DPP10: variants seen among roughly 807,000 people sequenced by gnomAD.
DPP10 encodes the protein inactive dipeptidyl peptidase 10.
DPP10 carries 33 observed loss-of-function variants against 120.9 expected under a neutral mutation model. The ratio of observed to expected loss-of-function variants is 0.27; its 90% confidence interval spans 0.21 to 0.37. The LOEUF is 0.37. Among genes scored for constraint, DPP10 ranks in the 10% least tolerant of loss-of-function variants. The pLI, the probability that DPP10 is intolerant of heterozygous loss-of-function variation, is 1.00. For synonymous variants in DPP10, 337 were observed against 326.1 expected (o/e 1.03, Z -0.36); for missense variants, 816 against 942.8 (o/e 0.87, Z 1.76).
chr2:115,199,234 G>T (rs1239782076), intron 1 of DPP10, among the ~76,000 whole-genome samples: 1 of 151,946 alleles, frequency 6.6e-6, no homozygotes, highest in Non-Finnish European at 1.5e-5. Flanking sequence ...TTTTGAATAT[G>T]ATAAAAAACA....
At chr2:115,442,930 A>T (rs1241702675) in intron 3 of DPP10, among the ~76,000 whole-genome samples, 2 of 152,164 alleles carry the variant, frequency 1.3e-5, no homozygotes, top group African/African-American at 4.8e-5. Flanking sequence ...TGGCTTAGAA[A>T]CCTAGGGATA....
chr2:115,801,985 T>C lies in DPP10; in HGVS notation c.1700+10629T>C, dbSNP rs1204390349. On this transcript the variant is annotated intron_variant, in intron 19 of 25. Transcript: ENST00000410059. ...GGAGGATTCCCTCTTTTTCTATTGATTGGAATAGTTTCAGAAGGAATGGTA... is the reference window on the plus strand; with the variant it reads ...GGAGGATTCCCTCTTTTTCTATTGACTGGAATAGTTTCAGAAGGAATGGTA... Among the ~76,000 whole-genome samples, 55 of 152,028 alleles carry C rather than the reference T, an allele frequency of 3.6e-4. 1 individual carries two copies. The highest frequency in any genetic ancestry group is 3.6e-3 in the Admixed American group (55 of 15,240).
Position 114,975,954 on chromosome 2 carries a change from C to A in DPP10, c.61-333285C>A, listed in dbSNP as rs143973312. On this transcript the variant is annotated intron_variant, in intron 1 of 25. Transcript: ENST00000410059. ...ATGTGAGCCACTGTACCCAGCCAAT[C>A]AATTGCTTTAAATAAGAGGACATTT... is the stretch of plus-strand genomic sequence containing the variant. Among the ~76,000 whole-genome samples the A allele has an allele frequency of 6.6e-5, 10 of 152,204 alleles. No individual in the cohort carries two copies. In the East Asian group the frequency reaches 1.9e-3, roughly 29 times the overall value.
chr2:115,764,639 T>C (rs1680505871), intron 12 of DPP10, among the ~76,000 whole-genome samples: 1 of 152,014 alleles, frequency 6.6e-6, no homozygotes, highest in South Asian at 2.1e-4. Flanking sequence ...GAGATTATGC[T>C]ATCTAATTTT....
intron 1 of DPP10, among the ~76,000 whole-genome samples, chr2:115,266,417 C>G (rs568535240): frequency 1.3e-5 from 2 of 151,442 alleles, no homozygotes; most frequent in African/African-American, 4.8e-5. Flanking sequence ...AAAATTCTAC[C>G]ATGTGTTTTC....
chr2:115,779,699 A>G (rs139181261), intron 15 of DPP10, among the ~76,000 whole-genome samples: 3 of 152,032 alleles, frequency 2.0e-5, no homozygotes, highest in Admixed American at 2.0e-4. Flanking sequence ...AATGTTGTGA[A>G]TGTAATTAAT....
intron 3 of DPP10, among the ~76,000 whole-genome samples, chr2:115,382,145 C>A (rs2106478139): frequency 6.6e-6 from 1 of 152,280 alleles, no homozygotes; most frequent in African/African-American, 2.4e-5. Flanking sequence ...TGGCGGGCGC[C>A]CCTCCCCCAG....
intron 1 of DPP10, among the ~76,000 whole-genome samples, chr2:114,656,384 G>T (rs1335114456): frequency 1.3e-5 from 2 of 152,088 alleles, no homozygotes; most frequent in African/African-American, 4.8e-5. Context: ...AGGAAAAGGA[G>T]TGATTTGCAG....
chr2:114,903,647 C>T (rs183024683), intron 1 of DPP10, among the ~76,000 whole-genome samples: 1 of 152,194 alleles, frequency 6.6e-6, no homozygotes, highest in African/African-American at 2.4e-5. Flanking sequence ...GAATTGTGAC[C>T]TTTGTCTCCA....
intron 5 of DPP10, among the ~76,000 whole-genome samples, chr2:115,587,341 G>T (rs185748146): frequency 2.0e-5 from 3 of 151,724 alleles, no homozygotes; most frequent in East Asian, 1.9e-4. Context: ...CTCATGATCC[G>T]CCCGCCTCGG....
rs66927327 is a variant in DPP10 at position 115,459,938 on chromosome 2, T to TATATATATATATATATACACAC, written c.272-39571_272-39570insTATATATATATATATACACACA. Among the ~76,000 whole-genome samples, 799 of 128,458 alleles carry TATATATATATATATATACACAC rather than the reference T, an allele frequency of 6.2e-3. 8 individuals are homozygous for TATATATATATATATATACACAC. Among genetic ancestry groups the TATATATATATATATATACACAC allele is most frequent in the South Asian group, 0.02 (75 of 3,664 alleles). The allele number at this position is 128,458 out of a possible 152,430, so 84.3% of individuals were successfully genotyped here. ...AAAACATATATTTTATATATATATA[T>TATATATATATATATATACACAC]ACACACACACACCTTTGTTTGCATT... On this transcript the variant is annotated intron_variant, in intron 3 of 25. Coordinates refer to ENST00000410059, the MANE Select transcript of DPP10 (RefSeq NM_020868.6).
intron 1 of DPP10, among the ~76,000 whole-genome samples, chr2:114,659,698 C>T (rs1311041562): frequency 6.6e-6 from 1 of 152,110 alleles, no homozygotes; most frequent in African/African-American, 2.4e-5. Context: ...CCTCTGGTAC[C>T]TCTGAATGTA....
chr2:114,565,458 C>T (rs1357849488), intron 1 of DPP10, among the ~76,000 whole-genome samples: 1 of 152,202 alleles, frequency 6.6e-6, no homozygotes, highest in Non-Finnish European at 1.5e-5. Flanking sequence ...AAGCTACTCT[C>T]TGGATAAGGC....
At chr2:115,276,291 T>C (rs1354544597) in intron 1 of DPP10, among the ~76,000 whole-genome samples, 1 of 152,126 alleles carries the variant, frequency 6.6e-6, no homozygotes, top group Non-Finnish European at 1.5e-5. Flanking sequence ...ATGAATCCTG[T>C]CACTTGTATC....
At chr2:114,699,528 T>A (rs1700265973) in intron 1 of DPP10, among the ~76,000 whole-genome samples, 1 of 152,078 alleles carries the variant, frequency 6.6e-6, no homozygotes, top group East Asian at 1.9e-4. Context: ...TTGTCACCTA[T>A]CTTTGAGGCT....
intron 1 of DPP10, among the ~76,000 whole-genome samples, chr2:114,710,622 G>A (rs1700965485): frequency 6.6e-6 from 1 of 152,148 alleles, no homozygotes; most frequent in African/African-American, 2.4e-5. Context: ...GCACATGCCT[G>A]TAGTCCCAGC....
chr2:114,764,284 C>CTTTTTTTTTT (rs201499611), intron 1 of DPP10, among the ~76,000 whole-genome samples: 1 of 126,060 alleles, frequency 7.9e-6, no homozygotes. Flanking sequence ...CTTAAATTGC[C>CTTTTTTTTTT]TTTTTTTTTT....
At chr2:115,301,927 G>A (rs923844302) in intron 1 of DPP10, among the ~76,000 whole-genome samples, 1 of 151,930 alleles carries the variant, frequency 6.6e-6, no homozygotes. Flanking sequence ...ATCTAGGAGT[G>A]TGTATGAGTT....
At chr2:114,990,271 A>G (rs1700680605) in intron 1 of DPP10, among the ~76,000 whole-genome samples, 1 of 152,198 alleles carries the variant, frequency 6.6e-6, no homozygotes, top group Admixed American at 6.5e-5. Flanking sequence ...TTCCAACACA[A>G]TCATATAAAG....
Sources: gnomAD v4.1 joint callset for allele counts (sites outside exome capture counted in the v4.1 genomes callset) on GRCh38, gnomAD v4.1.1 for gene constraint, MANE v1.5 for transcripts, NCBI Gene and HGNC (gene_info 2026-07-23, HGNC 2026-07-21) for gene names.